Variants in DHX36 observed in about 807,000 individuals in gnomAD.
DHX36 encodes the protein DEAH-box helicase 36, also known as ATP-dependent DNA/RNA helicase DHX36.
Under a neutral mutation model 139.0 loss-of-function variants are expected in DHX36, and 50 were observed. The ratio of observed to expected loss-of-function variants is 0.36; its 90% CI spans 0.29 to 0.46. The LOEUF is 0.46. Ranked by LOEUF, DHX36 falls within the 20% of genes least tolerant of loss-of-function variation. The pLI is 1.00. For synonymous variants in DHX36, 425 were observed against 401.9 expected (o/e 1.06, Z -0.69); for missense variants, 1,024 against 1,211.3 (o/e 0.85, Z 2.29).
At chr3:154,285,641 C>T (rs1711524504) in intron 17 of DHX36, among the ~76,000 whole-genome samples, 1 of 152,040 alleles carries the variant, frequency 6.6e-6, no homozygotes, top group Non-Finnish European at 1.5e-5. Context: ...TACCCTCATC[C>T]CAAGCTTCAA....
chr3:154,287,329 C>G (rs116564374), intron 17 of DHX36, among the ~76,000 whole-genome samples: 2,102 of 152,110 alleles, frequency 0.014, 42 homozygotes, highest in African/African-American at 0.048. Context: ...AAAGCAATAA[C>G]CTTTGAGAAT....
Position 154,295,302 on chromosome 3 carries a change from A to C in DHX36, c.1587T>G (p.Pro529=), listed in dbSNP as rs771149795. 2.0e-5 allele frequency: 31 copies of C among 1,547,850 alleles called. No individual in the cohort carries two copies. Among genetic ancestry groups the C allele is most frequent in the Non-Finnish European group, 2.7e-5 (31 of 1,139,354 alleles). The stretch of plus-strand genomic sequence containing the variant: ...AACATACCTGTGTCTGGTTAACTGT[A>C]GGCATCAGTGAATGTAAAGGTATAA... ...FLIIPLHSLM[P]TVNQTQVFKR... is the part of the protein sequence containing the mutation. Residue 529 remains proline (P), a synonymous_variant, in exon 13 of 25, where the codon CCT becomes CCG. Coordinates refer to ENST00000496811, the MANE Select transcript of DHX36 (RefSeq NM_020865.3).
chr3:154,300,052 A>T (rs995882705), intron 11 of DHX36, 127 bp from the exon 12 acceptor site: 3 of 650,354 alleles, frequency 4.6e-6, no homozygotes. Flanking sequence ...TTAATAATTA[A>T]AAGTATATAA....
intron 5 of DHX36, among the ~76,000 whole-genome samples, chr3:154,307,863 A>G (rs1421610917): frequency 1.3e-5 from 2 of 152,160 alleles, no homozygotes; most frequent in African/African-American, 2.4e-5. Context: ...AAGATACGGA[A>G]TCAATCTAAG....
chr3:154,303,236 A>T, intron 9 of DHX36, 93 bp downstream of exon 9: 1 of 861,172 alleles, frequency 1.2e-6, no homozygotes, highest in Non-Finnish European at 1.8e-6. Flanking sequence ...ACAAGGAAAT[A>T]GTCAATGATG....
At chr3:154,297,857 T>C (rs1449041691) in intron 12 of DHX36, among the ~76,000 whole-genome samples, 1 of 152,106 alleles carries the variant, frequency 6.6e-6, no homozygotes, top group Non-Finnish European at 1.5e-5. Flanking sequence ...GTTGACACCA[T>C]ACAACTAAGA....
chr3:154,303,402 G>C lies in DHX36; in HGVS notation c.1144C>G (p.Pro382Ala), dbSNP rs1712378237. ...EKFSEYFGNC[P>A]MIHIPGFTFP... ...GTAAAACCAGGTATATGTATCATTG[G>C]ACAGTTACCTATTACGGCAGACAAA... The change falls in exon 9 of 25, where the codon CCA (proline) becomes GCA (alanine). Residue 382 changes from proline to alanine, a missense_variant. Physicochemically the swap from Pro to Ala is conservative, Grantham distance 27. Coordinates refer to ENST00000496811, the MANE Select transcript of DHX36 (RefSeq NM_020865.3). 6.3e-7 allele frequency: 1 copy of C among 1,599,708 alleles called. No individual in the cohort carries two copies. Among genetic ancestry groups the C allele is most frequent in the South Asian group, 1.2e-5 (1 of 86,716 alleles).
chr3:154,310,619 A>G (rs1712694602), intron 4 of DHX36, among the ~76,000 whole-genome samples: 1 of 149,992 alleles, frequency 6.7e-6, no homozygotes, highest in African/African-American at 2.5e-5. Context: ...CATCTCTACT[A>G]AAAACACAAA....
chr3:154,323,249 C>A (rs1713267581), intron 1 of DHX36, among the ~76,000 whole-genome samples: 1 of 151,920 alleles, frequency 6.6e-6, no homozygotes, highest in Non-Finnish European at 1.5e-5. Flanking sequence ...GCAGGAGAAT[C>A]GCTTGAACTT....
At chr3:154,310,289 A>C (rs1209064955) in intron 4 of DHX36, among the ~76,000 whole-genome samples, 1 of 152,164 alleles carries the variant, frequency 6.6e-6, no homozygotes, top group Non-Finnish European at 1.5e-5. Flanking sequence ...CAAATAATTA[A>C]AATAAAGTCA....
chr3:154,314,489 A>T (rs1394844475), intron 3 of DHX36, among the ~76,000 whole-genome samples: 1 of 152,188 alleles, frequency 6.6e-6, no homozygotes. Context: ...CCACTTTATT[A>T]CATCTCTAGA....
chr3:154,285,554 A>G (rs910476616), intron 17 of DHX36, among the ~76,000 whole-genome samples: 41 of 152,180 alleles, frequency 2.7e-4, no homozygotes, highest in African/African-American at 9.6e-4. Context: ...AATGAGAGAC[A>G]TCTAGGGGAG....
chr3:154,308,678 T>C (rs242117), intron 5 of DHX36, among the ~76,000 whole-genome samples: 137,819 of 152,112 alleles, frequency 0.91, 62,665 homozygotes, highest in East Asian at 1. Flanking sequence ...ATCTGAAAAT[T>C]CAAAATGTGA....
At chr3:154,315,017 CAA>C in intron 3 of DHX36, 27 bp downstream of exon 3, 2 of 1,497,204 alleles carry the variant, frequency 1.3e-6, no homozygotes, top group East Asian at 4.5e-5. Context: ...AAAAAAATGA[CAA>C]AATATTTTTT....
Position 154,284,632 on chromosome 3 carries a change from A to G in DHX36, c.2243T>C (p.Leu748Ser). ...EKIADARRKELAKDTRSDHLT... is the reference protein window; with the variant it reads ...EKIADARRKESAKDTRSDHLT... ...GTGATCACTTCTAGTATCCTTTGCCAATTCCTTTCTTCTTGCATCTGCAAT... is the reference window on the plus strand; with the variant it reads ...GTGATCACTTCTAGTATCCTTTGCCGATTCCTTTCTTCTTGCATCTGCAAT... The change falls in exon 19 of 25, where the codon TTG becomes TCG. Residue 748 changes from leucine to serine, a missense_variant. Coordinates refer to ENST00000496811, the MANE Select transcript of DHX36 (RefSeq NM_020865.3). 1.2e-6 allele frequency: 2 copies of G among 1,612,836 alleles called. No homozygotes were observed. The highest frequency in any genetic ancestry group is 1.7e-6 in the Non-Finnish European group (2 of 1,179,464).
At chr3:154,323,125 A>C (rs1243373390) in intron 1 of DHX36, among the ~76,000 whole-genome samples, 1 of 152,152 alleles carries the variant, frequency 6.6e-6, no homozygotes, top group Non-Finnish European at 1.5e-5. Context: ...ACCTGAGGTC[A>C]GGAGTTCGAG....
intron 4 of DHX36, among the ~76,000 whole-genome samples, chr3:154,310,987 T>A (rs1333230551): frequency 1.3e-5 from 2 of 150,446 alleles, no homozygotes; most frequent in East Asian, 1.9e-4. Context: ...ATGTGATTCA[T>A]CCAATCAGAA....
chr3:154,312,855 ATATATATATATATAT>A (rs1712817067), intron 3 of DHX36, among the ~76,000 whole-genome samples: 3 of 4,692 alleles, frequency 6.4e-4, no homozygotes, highest in African/African-American at 2.8e-3. Flanking sequence ...TAATTAAAAT[ATATATATATATATAT>A]ATATATATAT....
At chr3:154,281,796 T>A (rs1002236131) in intron 20 of DHX36, among the ~76,000 whole-genome samples, 1 of 152,148 alleles carries the variant, frequency 6.6e-6, no homozygotes, top group Admixed American at 6.5e-5. Context: ...TTTATACTGT[T>A]CAGGATAATA....
Sources: allele counts gnomAD v4.1 joint callset (sites outside exome capture counted in the v4.1 genomes callset), GRCh38; gene constraint gnomAD v4.1.1; transcripts MANE v1.5; gene names NCBI Gene and HGNC (gene_info 2026-07-23, HGNC 2026-07-21).